The following SLC35B4 variants were observed in gnomAD, a reference collection of about 807,000 sequenced individuals.
SLC35B4 encodes nucleotide sugar transporter SLC35B4.
In SLC35B4, 28 loss-of-function variants were observed where a neutral mutation model predicts 39.5. The observed-to-expected ratio is 0.71, with a 90% CI of 0.53 to 0.97. The LOEUF (loss-of-function observed/expected upper bound fraction) is 0.97. SLC35B4 is among the 50% of genes least tolerant of loss of function. The pLI is 0.00. For missense variants in SLC35B4, 334 were observed against 414.3 expected (o/e 0.81, Z 1.68); for synonymous variants, 145 against 150.4 (o/e 0.96, Z 0.26).
chr7:134,306,841 T>C (rs1456082949), intron 2 of SLC35B4, 67 bp from the exon 3 acceptor site: 2 of 1,379,354 alleles, frequency 1.4e-6, no homozygotes, highest in Admixed American at 2.2e-5. Context: ...GTATAGGAAA[T>C]ATATATTTTT....
intron 1 of SLC35B4, among the ~76,000 whole-genome samples, chr7:134,312,253 A>G (rs1803863104): frequency 1.3e-5 from 2 of 152,150 alleles, no homozygotes; most frequent in Admixed American, 6.5e-5. Flanking sequence ...ATTCAATGAG[A>G]AAATACATGT....
At chr7:134,314,679 G>T (rs576645806) in intron 1 of SLC35B4, among the ~76,000 whole-genome samples, 2 of 152,050 alleles carry the variant, frequency 1.3e-5, no homozygotes, top group Middle Eastern at 3.2e-3. Flanking sequence ...GGGATTACAG[G>T]TGTCCACCAC....
chr7:134,317,049 C>T (rs1563221245), upstream of SLC35B4: 8 of 373,568 alleles, frequency 2.1e-5, no homozygotes, highest in South Asian at 3.4e-4. Flanking sequence ...GTTCCCGCTT[C>T]CGCCAGGCAG....
intron 1 of SLC35B4, among the ~76,000 whole-genome samples, chr7:134,314,049 GATGATTT>G (rs1311740717): frequency 8.9e-5 from 4 of 44,998 alleles, no homozygotes; most frequent in African/African-American, 3.4e-4. Context: ...AAAGATAAGT[GATGATTT>G]ATTTACAAAT....
intron 2 of SLC35B4, among the ~76,000 whole-genome samples, chr7:134,308,356 G>A (rs1403370554): frequency 6.6e-6 from 1 of 152,164 alleles, no homozygotes; most frequent in Admixed American, 6.5e-5. Context: ...TGGAGAGAAT[G>A]GGGAGAGATA....
upstream of SLC35B4, among the ~76,000 whole-genome samples, chr7:134,319,695 C>G (rs146045737): frequency 1.4e-3 from 217 of 152,248 alleles, no homozygotes; most frequent in Non-Finnish European, 2.7e-3. Flanking sequence ...CCCTGTAAAC[C>G]CCTCACCATT....
chr7:134,319,229 A>G (rs1300863545), upstream of SLC35B4, among the ~76,000 whole-genome samples: 1 of 152,194 alleles, frequency 6.6e-6, no homozygotes, highest in Non-Finnish European at 1.5e-5. Context: ...ATCTCCAATC[A>G]GCTTCTTAAA....
chr7:134,301,764 G>T lies in SLC35B4; in HGVS notation c.484C>A (p.Leu162Ile), dbSNP rs754964957. ...TTATTATAATTATTGTACTTGCCTA[G>T]TAACCACCACACAAATGCCTGGAAT... ...DGFQAFVWWL[L>I]GIGALTFALL... The change falls in exon 6 of 10, where the codon CTA becomes ATA. Residue 162 changes from leucine to isoleucine, a missense_variant. By Grantham distance (5) the Leu-to-Ile change is conservative. Transcript: ENST00000378509. 6.2e-7 allele frequency: 1 copy of T among 1,613,674 alleles called. No homozygotes were observed. The highest frequency in any genetic ancestry group is 8.5e-7 in the Non-Finnish European group (1 of 1,179,658).
intron 8 of SLC35B4, 123 bp from the exon 9 acceptor site, chr7:134,296,589 A>G: frequency 1.5e-6 from 1 of 669,148 alleles, no homozygotes; most frequent in South Asian, 2.0e-5. Context: ...TTGCAAATAG[A>G]ATTGGATCAC....
At chr7:134,307,414 T>C (rs1803734405) in intron 2 of SLC35B4, among the ~76,000 whole-genome samples, 1 of 152,086 alleles carries the variant, frequency 6.6e-6, no homozygotes, top group Non-Finnish European at 1.5e-5. Context: ...ACAGATGGAT[T>C]AAACAAATAA....
At chr7:134,312,963 T>G (rs576882497) in intron 1 of SLC35B4, among the ~76,000 whole-genome samples, 15 of 152,342 alleles carry the variant, frequency 9.8e-5, no homozygotes, top group Non-Finnish European at 1.9e-4. Context: ...TTTGAGTCAC[T>G]TTCCATTTCT....
intron 9 of SLC35B4, 123 bp downstream of exon 9, chr7:134,296,268 C>T (rs1040337814): frequency 9.1e-6 from 8 of 874,452 alleles, no homozygotes; most frequent in East Asian, 5.3e-5. Flanking sequence ...TCCAGCTTAC[C>T]GCAGAATAAA....
At chr7:134,312,452 T>C (rs1265283175) in intron 1 of SLC35B4, among the ~76,000 whole-genome samples, 1 of 151,994 alleles carries the variant, frequency 6.6e-6, no homozygotes, top group Non-Finnish European at 1.5e-5. Flanking sequence ...GATGACAATA[T>C]GGGAGAGCCA....
chr7:134,297,065 C>A (rs929301421), intron 8 of SLC35B4, among the ~76,000 whole-genome samples: 2 of 152,190 alleles, frequency 1.3e-5, no homozygotes, highest in African/African-American at 4.8e-5. Flanking sequence ...GGACTACAGG[C>A]ACACACCACC....
Position 134,290,247 on chromosome 7 carries a change from A to C in SLC35B4, c.*4586T>G, listed in dbSNP as rs1803304786. 6.6e-6 allele frequency: 1 copy of C among 152,198 alleles called. No individual in the cohort carries two copies. 9.4% of individuals were successfully genotyped at this position (152,198 alleles called of 1,614,324 possible). A position where few individuals can be genotyped will look rare whatever the true frequency, so the allele number is the denominator to read the frequency against. Reference sequence around the variant, plus strand: ...TGAGGTAGCAGGCTGCACACTGAGCAATCTCTGGTGTACCTCCTCCCAATA... The same window carrying C: ...TGAGGTAGCAGGCTGCACACTGAGCCATCTCTGGTGTACCTCCTCCCAATA... On this transcript the variant is annotated 3_prime_UTR_variant, in exon 10 of 10. Coordinates refer to ENST00000378509, the MANE Select transcript of SLC35B4 (RefSeq NM_032826.5).
At chr7:134,301,670 A>G (rs1010561146) in intron 6 of SLC35B4, 91 bp downstream of exon 6, 8 of 1,202,186 alleles carry the variant, frequency 6.7e-6, no homozygotes, top group Non-Finnish European at 9.8e-6. Flanking sequence ...TGTTTAGCTG[A>G]AGCTTCTTGC....
chr7:134,306,539 C>T (rs1803713387), intron 3 of SLC35B4, 133 bp downstream of exon 3: 12 of 555,966 alleles, frequency 2.2e-5, no homozygotes, highest in South Asian at 3.8e-5. Context: ...CACCCTTGCT[C>T]ACGCATTCAC....
At chr7:134,296,225 CT>C in intron 9 of SLC35B4, among the ~76,000 whole-genome samples, 165 bp downstream of exon 9, 1 of 152,286 alleles carries the variant, frequency 6.6e-6, no homozygotes, top group Non-Finnish European at 1.5e-5. Flanking sequence ...CTCTTCTGCC[CT>C]CTACAAGGAG....
At chr7:134,299,089 C>G (rs549916042) in intron 8 of SLC35B4, among the ~76,000 whole-genome samples, 24 of 152,220 alleles carry the variant, frequency 1.6e-4, no homozygotes, top group Non-Finnish European at 3.1e-4. Flanking sequence ...CATTGAGCTC[C>G]CCTCTTGCTC....
Sources: allele counts gnomAD v4.1 joint callset (sites outside exome capture counted in the v4.1 genomes callset), GRCh38; gene constraint gnomAD v4.1.1; transcripts MANE v1.5; gene names NCBI Gene and HGNC (gene_info 2026-07-23, HGNC 2026-07-21).